The following NRG4 variants were observed in gnomAD, a reference collection of about 807,000 sequenced individuals.
The protein encoded by NRG4 is pro-neuregulin-4, membrane-bound isoform.
A neutral mutation model predicts 15.0 loss-of-function variants in NRG4; 10 were observed. The ratio of observed to expected loss-of-function variants is 0.67; its 90% CI spans 0.41 to 1.13. The LOEUF (loss-of-function observed/expected upper bound fraction) is 1.13. Among genes scored for constraint, NRG4 ranks in the 50% most tolerant of loss-of-function variants. The pLI is 0.00. For missense variants in NRG4, 139 were observed against 140.2 expected (o/e 0.99, Z 0.04); for synonymous variants, 41 against 50.1 (o/e 0.82, Z 0.77).
intron 5 of NRG4, among the ~76,000 whole-genome samples, chr15:75,948,392 C>T (rs1036088210): frequency 1.3e-5 from 2 of 151,934 alleles, no homozygotes; most frequent in South Asian, 2.1e-4. Flanking sequence ...CTCCGCCTGC[C>T]GGCTTCAAGC....
chr15:75,999,938 C>T lies in NRG4; in HGVS notation c.104+9262G>A, dbSNP rs142886991. On this transcript the variant is annotated intron_variant, in intron 3 of 5. Transcript: ENST00000394907. ...CTACTCAGGAGGCCAGCCTGGAGTG[C>T]AGTAGCATGATCTCGGCTCACTGCA... Among the ~76,000 whole-genome samples the T allele has an allele frequency of 2.5e-3, 374 of 152,262 alleles. 2 individuals are homozygous for T. The highest frequency in any genetic ancestry group is 8.6e-3 in the African/African-American group (359 of 41,542).
At chr15:76,027,336 A>G (rs1756731976) in intron 5 of NRG4, among the ~76,000 whole-genome samples, 1 of 152,106 alleles carries the variant, frequency 6.6e-6, no homozygotes, top group Admixed American at 6.5e-5. Flanking sequence ...AAGACATTAT[A>G]TAATCATCAA....
chr15:75,989,498 G>A (rs1410132714), intron 3 of NRG4, among the ~76,000 whole-genome samples: 2 of 150,690 alleles, frequency 1.3e-5, no homozygotes, highest in Non-Finnish European at 1.5e-5. Context: ...CTATGACTCT[G>A]TTCCTTAGTC....
intron 2 of NRG4, among the ~76,000 whole-genome samples, chr15:76,053,794 G>A (rs528412523): frequency 6.6e-6 from 1 of 150,940 alleles, no homozygotes; most frequent in Non-Finnish European, 1.5e-5. Flanking sequence ...GACCTCAAGT[G>A]ATCTGGGATT....
chr15:75,971,680 T>A (rs1051340486), intron 3 of NRG4, among the ~76,000 whole-genome samples: 5 of 152,226 alleles, frequency 3.3e-5, no homozygotes, highest in African/African-American at 1.2e-4. Context: ...GTAATTTGAA[T>A]ATTCTTAAAA....
In NRG4 at chr15:75,941,558, G is replaced by A. The variant is rs570048076; in HGVS notation, c.*2080C>T. ...ACAGATGAATGGATAGACAAAATGT[G>A]TTATATCCATACAATGGAATATTAT... is the stretch of plus-strand genomic sequence containing the variant. On this transcript the variant is annotated 3_prime_UTR_variant, in exon 6 of 6. Coordinates refer to ENST00000394907, the MANE Select transcript of NRG4 (RefSeq NM_138573.4). 9 of 152,136 alleles carry A rather than the reference G, an allele frequency of 5.9e-5. No homozygotes were observed. The highest frequency in any genetic ancestry group is 5.9e-4 in the Admixed American group (9 of 15,274). 9.4% of individuals were successfully genotyped at this position (152,136 alleles called of 1,614,324 possible). A position where few individuals can be genotyped will look rare whatever the true frequency, so the allele number is the denominator to read the frequency against.
chr15:76,051,949 A>G (rs1204151047), intron 4 of NRG4: 1 of 151,044 alleles, frequency 6.6e-6, no homozygotes, highest in African/African-American at 2.5e-5. Context: ...GGAATTTTCC[A>G]TATTGCAGAG....
At chr15:75,956,062 C>A in intron 4 of NRG4, 51 bp from the exon 5 acceptor site, 1 of 1,073,564 alleles carries the variant, frequency 9.3e-7, no homozygotes, top group Admixed American at 1.8e-5. Context: ...ATAGGAAAAG[C>A]ATGTCAGAAG....
Position 76,011,231 on chromosome 15 carries a change from C to A in NRG4, c.-1G>T. ...TATATAAGAAATTACCTGTTGGCAT[C>A]TTAATTTGTAAATAGTTTCATTCTT... On this transcript the variant is annotated 5_prime_UTR_variant, in exon 2 of 6. Coordinates refer to ENST00000394907, the MANE Select transcript of NRG4 (RefSeq NM_138573.4). 6.9e-7 allele frequency: 1 copy of A among 1,453,366 alleles called. No individual in the cohort carries two copies. Among genetic ancestry groups the A allele is most frequent in the Non-Finnish European group, 9.1e-7 (1 of 1,094,392 alleles). 90.0% of individuals were successfully genotyped at this position (1,453,366 alleles called of 1,614,324 possible).
chr15:75,968,060 A>G (rs1265834228), intron 3 of NRG4, among the ~76,000 whole-genome samples: 2 of 152,190 alleles, frequency 1.3e-5, no homozygotes, highest in Non-Finnish European at 2.9e-5. Context: ...GTGTAAAAAC[A>G]TGACCCTCAT....
intron 3 of NRG4, among the ~76,000 whole-genome samples, chr15:75,978,288 G>C (rs553880437): frequency 6.3e-4 from 96 of 152,208 alleles, no homozygotes; most frequent in African/African-American, 2.2e-3. Flanking sequence ...ATATTAGTGA[G>C]AGCATGCAGT....
At chr15:75,975,598 T>C (rs946351552) in intron 3 of NRG4, among the ~76,000 whole-genome samples, 3 of 152,342 alleles carry the variant, frequency 2.0e-5, no homozygotes, top group South Asian at 2.1e-4. Context: ...TATTTCTCCT[T>C]TGCTTATGAA....
At chr15:75,972,565 T>A (rs2033149239) in intron 3 of NRG4, among the ~76,000 whole-genome samples, 1 of 152,160 alleles carries the variant, frequency 6.6e-6, no homozygotes, top group Non-Finnish European at 1.5e-5. Flanking sequence ...AAGGAAGGGG[T>A]CCAGTTTCAG....
At chr15:75,967,620 C>G (rs1279292685) in intron 3 of NRG4, among the ~76,000 whole-genome samples, 1 of 151,920 alleles carries the variant, frequency 6.6e-6, no homozygotes, top group Admixed American at 6.6e-5. Flanking sequence ...CACCACCACA[C>G]CCAGCTAATT....
intron 5 of NRG4, among the ~76,000 whole-genome samples, chr15:76,027,096 G>A (rs1303395637): frequency 3.3e-5 from 5 of 152,084 alleles, no homozygotes; most frequent in African/African-American, 4.8e-5. Context: ...ACTCCAGCCT[G>A]AGGGACAGAG....
chr15:76,002,262 G>A (rs996248015), intron 3 of NRG4, among the ~76,000 whole-genome samples: 1 of 152,096 alleles, frequency 6.6e-6, no homozygotes, highest in Non-Finnish European at 1.5e-5. Flanking sequence ...TACTAATTGA[G>A]GGTAGACTGT....
intron 3 of NRG4, among the ~76,000 whole-genome samples, chr15:75,964,404 G>C (rs1447969201): frequency 6.6e-6 from 1 of 151,984 alleles, no homozygotes; most frequent in Non-Finnish European, 1.5e-5. Context: ...GGTTTTTTAA[G>C]GAAAAATTTT....
intron 3 of NRG4, among the ~76,000 whole-genome samples, chr15:76,007,778 C>T (rs1462252316): frequency 4.6e-5 from 7 of 152,216 alleles, no homozygotes; most frequent in Admixed American, 6.5e-5. Flanking sequence ...AAACATTCTA[C>T]GTGCCATATC....
intron 4 of NRG4, among the ~76,000 whole-genome samples, chr15:76,041,420 G>A (rs1216094298): frequency 6.6e-6 from 1 of 151,940 alleles, no homozygotes; most frequent in East Asian, 1.9e-4. Context: ...AAGACCCAAT[G>A]ATCTGTTGCC....
Sources: gnomAD v4.1 joint callset for allele counts (sites outside exome capture counted in the v4.1 genomes callset) on GRCh38, gnomAD v4.1.1 for gene constraint, MANE v1.5 for transcripts, NCBI Gene and HGNC (gene_info 2026-07-23, HGNC 2026-07-21) for gene names.